CRPPA: variants seen among roughly 807,000 people sequenced by gnomAD.
CRPPA encodes the protein D-ribitol-5-phosphate cytidylyltransferase.
A neutral mutation model predicts 52.0 loss-of-function variants in CRPPA; 43 were observed. That is an observed-to-expected ratio of 0.83 (90% confidence interval 0.65 to 1.07). The LOEUF (loss-of-function observed/expected upper bound fraction) is 1.07, where lower values mean the gene tolerates loss of function less well. Ranked by LOEUF, CRPPA falls within the 50% of genes least tolerant of loss-of-function variation. CRPPA has a pLI of 0.00. For synonymous variants in CRPPA, 250 were observed against 203.5 expected, an observed-to-expected ratio of 1.23 and a Z score of -1.94; for missense variants, 629 against 551.7, an observed-to-expected ratio of 1.14 and a Z score of -1.40.
intron 9 of CRPPA, among the ~76,000 whole-genome samples, chr7:16,160,719 A>ATG (rs1411254673): frequency 6.6e-6 from 1 of 152,186 alleles, no homozygotes; most frequent in Non-Finnish European, 1.5e-5. Context: ...TGGTAGCTTG[A>ATG]TGGGAATAGC....
At chr7:16,407,006 C>T (rs1445346958) in intron 1 of CRPPA, among the ~76,000 whole-genome samples, 2 of 152,178 alleles carry the variant, frequency 1.3e-5, no homozygotes, top group African/African-American at 4.8e-5. Context: ...GACAGAGTCT[C>T]ACTCTGTGCC....
intron 3 of CRPPA, among the ~76,000 whole-genome samples, chr7:16,326,604 T>C (rs1583521334): frequency 6.6e-6 from 1 of 152,344 alleles, no homozygotes; most frequent in South Asian, 2.1e-4. Context: ...TGATGTTAAA[T>C]AACTTTTTAA....
At chr7:16,172,036 T>G (rs143190976) in intron 9 of CRPPA, among the ~76,000 whole-genome samples, 3 of 152,282 alleles carry the variant, frequency 2.0e-5, no homozygotes, top group African/African-American at 7.2e-5. Context: ...TTCCCTATGG[T>G]TCACCTCAGC....
At chr7:16,191,905 C>G (rs1781621934) in intron 9 of CRPPA, among the ~76,000 whole-genome samples, 1 of 152,108 alleles carries the variant, frequency 6.6e-6, no homozygotes, top group African/African-American at 2.4e-5. Context: ...CTCCCACTTA[C>G]AGAATGCAAG....
chr7:16,223,981 CAT>C lies in CRPPA; in HGVS notation c.1120-7786_1120-7785del, dbSNP rs1782585733. On this transcript the variant is annotated intron_variant, in intron 8 of 9. Coordinates refer to ENST00000407010, the MANE Select transcript of CRPPA (RefSeq NM_001101426.4). ...TGACATTTCTAACAGTTCTTTCTCA[CAT>C]ATACATAAAAAAGATAAGCCTATCC... is the stretch of plus-strand genomic sequence containing the variant. Among the ~76,000 whole-genome samples, 4 of 152,210 alleles carry C rather than the reference CAT, an allele frequency of 2.6e-5. No individual in the cohort carries two copies. The South Asian group carries it at 8.3e-4, about 32-fold the overall frequency.
intron 2 of CRPPA, among the ~76,000 whole-genome samples, chr7:16,398,807 G>A (rs991135040): frequency 1.3e-5 from 2 of 152,176 alleles, no homozygotes; most frequent in Non-Finnish European, 2.9e-5. Flanking sequence ...TAACATGATT[G>A]AAACGTGACC....
At chr7:16,410,653 A>G (rs1388103359) in intron 1 of CRPPA, among the ~76,000 whole-genome samples, 11 of 152,126 alleles carry the variant, frequency 7.2e-5, no homozygotes, top group African/African-American at 2.7e-4. Flanking sequence ...AGACCCTTCA[A>G]GACCTGACCT....
At chr7:16,111,814 T>C (rs1782270057) in intron 9 of CRPPA, among the ~76,000 whole-genome samples, 1 of 152,110 alleles carries the variant, frequency 6.6e-6, no homozygotes, top group Admixed American at 6.6e-5. Flanking sequence ...ACACGAGAAA[T>C]ATGTTTTCCT....
At chr7:16,263,626 A>G (rs1469765263) in intron 6 of CRPPA, among the ~76,000 whole-genome samples, 1 of 152,058 alleles carries the variant, frequency 6.6e-6, no homozygotes, top group Admixed American at 6.5e-5. Flanking sequence ...GGTGGTGGAC[A>G]CCTGTAATCC....
At chr7:16,358,793 G>C (rs563036782) in intron 3 of CRPPA, among the ~76,000 whole-genome samples, 1 of 152,126 alleles carries the variant, frequency 6.6e-6, no homozygotes. Context: ...TGAAGAAATT[G>C]ATTAATGTCA....
At chr7:16,204,534 C>A (rs1781926570) in intron 9 of CRPPA, among the ~76,000 whole-genome samples, 1 of 152,020 alleles carries the variant, frequency 6.6e-6, no homozygotes, top group African/African-American at 2.4e-5. Context: ...GTACACTATT[C>A]AGATGGTAGA....
At chr7:16,296,117 G>A (rs1343612042) in intron 5 of CRPPA, among the ~76,000 whole-genome samples, 1 of 152,008 alleles carries the variant, frequency 6.6e-6, no homozygotes, top group Non-Finnish European at 1.5e-5. Flanking sequence ...TTCTATACAT[G>A]TTTCTTCAAA....
intron 8 of CRPPA, among the ~76,000 whole-genome samples, chr7:16,223,062 C>G (rs1041899976): frequency 2.0e-5 from 3 of 151,860 alleles, no homozygotes; most frequent in African/African-American, 4.8e-5. Flanking sequence ...GAGGCTGAGG[C>G]AGGCAGATCA....
intron 3 of CRPPA, among the ~76,000 whole-genome samples, chr7:16,326,339 C>A (rs1470001537): frequency 6.6e-6 from 1 of 152,114 alleles, no homozygotes; most frequent in Non-Finnish European, 1.5e-5. Flanking sequence ...TTAGCTTTCA[C>A]TGTGATGATA....
chr7:16,386,419 G>C (rs1787272548), intron 2 of CRPPA, among the ~76,000 whole-genome samples: 1 of 152,172 alleles, frequency 6.6e-6, no homozygotes, highest in East Asian at 1.9e-4. Flanking sequence ...AAACAGGAAA[G>C]TCTGTTCCCA....
At chr7:16,313,443 T>C (rs1044281919) in intron 3 of CRPPA, among the ~76,000 whole-genome samples, 1 of 151,908 alleles carries the variant, frequency 6.6e-6, no homozygotes, top group South Asian at 2.1e-4. Flanking sequence ...AATTTGTATA[T>C]TCTTTCTTAG....
intron 9 of CRPPA, among the ~76,000 whole-genome samples, chr7:16,098,762 A>AC (rs1389030987): frequency 6.6e-6 from 1 of 152,198 alleles, no homozygotes; most frequent in African/African-American, 2.4e-5. Context: ...AAAAAACCTA[A>AC]CGGGGGCACA....
intron 8 of CRPPA, among the ~76,000 whole-genome samples, chr7:16,221,018 G>A (rs1782483877): frequency 6.6e-6 from 1 of 152,032 alleles, no homozygotes; most frequent in Non-Finnish European, 1.5e-5. Flanking sequence ...CAAAGCTGGA[G>A]GCATCACACT....
intron 3 of CRPPA, among the ~76,000 whole-genome samples, chr7:16,364,657 T>A (rs1424467517): frequency 6.6e-6 from 1 of 152,226 alleles, no homozygotes; most frequent in East Asian, 1.9e-4. Context: ...ATGTAATCAA[T>A]GTGCAGTGTG....
Sources: allele counts gnomAD v4.1 joint callset (sites outside exome capture counted in the v4.1 genomes callset), GRCh38; gene constraint gnomAD v4.1.1; transcripts MANE v1.5; gene names NCBI Gene and HGNC (gene_info 2026-07-23, HGNC 2026-07-21).